TDRD3: variants seen among roughly 807,000 people sequenced by gnomAD.
The protein encoded by TDRD3 is tudor domain containing 3.
TDRD3 carries 45 observed loss-of-function variants against 86.7 expected under a neutral mutation model. That is an observed-to-expected ratio of 0.52 (90% CI 0.41 to 0.67). The LOEUF is 0.67. Among genes scored for constraint, TDRD3 ranks in the 30% least tolerant of loss-of-function variants. The pLI, the probability that TDRD3 is intolerant of heterozygous loss-of-function variation, is 0.00. For synonymous variants in TDRD3, 298 were observed against 301.7 expected (o/e 0.99, Z 0.13); for missense variants, 814 against 889.0 (o/e 0.92, Z 1.07).
intron 12 of TDRD3, among the ~76,000 whole-genome samples, chr13:60,557,637 C>G (rs1958226333): frequency 6.6e-6 from 1 of 151,848 alleles, no homozygotes; most frequent in Non-Finnish European, 1.5e-5. Context: ...TTTCTTAACT[C>G]TCATTAAGAG....
chr13:60,521,012 G>A (rs1030027175), intron 10 of TDRD3, among the ~76,000 whole-genome samples: 1 of 152,218 alleles, frequency 6.6e-6, no homozygotes, highest in Non-Finnish European at 1.5e-5. Context: ...TGTCAAAGGT[G>A]CATTACTGCA....
intron 1 of TDRD3, among the ~76,000 whole-genome samples, chr13:60,410,912 A>T (rs2137826938): frequency 6.6e-6 from 1 of 152,268 alleles, no homozygotes; most frequent in East Asian, 1.9e-4. Flanking sequence ...AAGTCTTTAT[A>T]AACATATTAA....
chr13:60,434,968 A>G (rs145050463), intron 1 of TDRD3, among the ~76,000 whole-genome samples: 187 of 152,342 alleles, frequency 1.2e-3, no homozygotes, highest in African/African-American at 4.4e-3. Context: ...TGTGTTACTG[A>G]AGTTCTTGAA....
At chr13:60,486,843 G>T (rs1287964545) in intron 7 of TDRD3, among the ~76,000 whole-genome samples, 1 of 152,158 alleles carries the variant, frequency 6.6e-6, no homozygotes, top group East Asian at 1.9e-4. Flanking sequence ...ATATGAGAGA[G>T]AATATGCAGT....
At chr13:60,524,280 G>A (rs1232952955) in intron 10 of TDRD3, among the ~76,000 whole-genome samples, 1 of 152,074 alleles carries the variant, frequency 6.6e-6, no homozygotes, top group African/African-American at 2.4e-5. Flanking sequence ...CCGAGGGCGG[G>A]TGGATCACTT....
chr13:60,562,969 C>T (rs1162389887), intron 12 of TDRD3, among the ~76,000 whole-genome samples: 1 of 152,076 alleles, frequency 6.6e-6, no homozygotes, highest in Non-Finnish European at 1.5e-5. Context: ...TGGCTCACAC[C>T]TGTAATCCCA....
intron 1 of TDRD3, among the ~76,000 whole-genome samples, chr13:60,408,081 G>T (rs186803679): frequency 6.8e-6 from 1 of 146,566 alleles, no homozygotes; most frequent in Non-Finnish European, 1.5e-5. Flanking sequence ...CTCCCCACCC[G>T]TGTGGAACTG....
At position 60,531,197 on chromosome 13, in the gene TDRD3, C is replaced by A. The variant is rs139310467; in HGVS notation, c.1992+1980C>A. 2.9e-3 allele frequency among the ~76,000 whole-genome samples: 442 copies of A among 152,296 alleles called. 2 individuals carry two copies. The highest frequency in any genetic ancestry group is 0.01 in the African/African-American group (428 of 41,566). Reference sequence around the variant, plus strand: ...CCCAGGAATACCAGCAGATTTGGAACTATTTCACATGGCCACTTCCTGGCT... The same window carrying A: ...CCCAGGAATACCAGCAGATTTGGAAATATTTCACATGGCCACTTCCTGGCT... On this transcript the variant is annotated intron_variant, in intron 11 of 13. Coordinates refer to ENST00000377881, the MANE Select transcript of TDRD3 (RefSeq NM_001146070.2).
intron 4 of TDRD3, among the ~76,000 whole-genome samples, chr13:60,464,778 G>T (rs1299309529): frequency 6.6e-6 from 1 of 152,098 alleles, no homozygotes; most frequent in Non-Finnish European, 1.5e-5. Flanking sequence ...TAGTAAAATG[G>T]CAGCCAGGAA....
At chr13:60,407,261 T>G (rs549128224) in intron 1 of TDRD3, among the ~76,000 whole-genome samples, 1 of 152,192 alleles carries the variant, frequency 6.6e-6, no homozygotes, top group African/African-American at 2.4e-5. Context: ...TTTAGCACGA[T>G]GTAAGGTGCA....
intron 2 of TDRD3, among the ~76,000 whole-genome samples, chr13:60,440,401 G>A (rs982469787): frequency 1.3e-5 from 2 of 151,834 alleles, no homozygotes; most frequent in Non-Finnish European, 2.9e-5. Context: ...TAAGTAAACA[G>A]GCTGGGCATG....
chr13:60,519,963 C>G (rs1298707834), intron 10 of TDRD3, among the ~76,000 whole-genome samples: 5 of 152,068 alleles, frequency 3.3e-5, no homozygotes, highest in African/African-American at 1.2e-4. Flanking sequence ...GTGTGTGGCA[C>G]TTTTTCTTAG....
intron 12 of TDRD3, among the ~76,000 whole-genome samples, chr13:60,538,990 G>A (rs764434473): frequency 3.9e-5 from 6 of 152,048 alleles, no homozygotes; most frequent in Non-Finnish European, 5.9e-5. Flanking sequence ...CTGCTTCTTG[G>A]TATCAGGAAA....
chr13:60,448,078 C>A (rs531496664), intron 3 of TDRD3, among the ~76,000 whole-genome samples: 2 of 152,030 alleles, frequency 1.3e-5, no homozygotes, highest in East Asian at 3.9e-4. Flanking sequence ...TCCTGAAAGC[C>A]CAAAGTAAAT....
intron 10 of TDRD3, among the ~76,000 whole-genome samples, chr13:60,523,880 A>G (rs1957345961): frequency 1.3e-5 from 2 of 152,060 alleles, no homozygotes. Context: ...CTGGTCCTGT[A>G]GTACATTTTT....
At chr13:60,504,761 T>G (rs1461970093) in intron 8 of TDRD3, among the ~76,000 whole-genome samples, 1 of 152,136 alleles carries the variant, frequency 6.6e-6, no homozygotes, top group Non-Finnish European at 1.5e-5. Flanking sequence ...TTGGAACTGG[T>G]TAGACAGTGT....
Position 60,494,555 on chromosome 13 carries a change from G to T in TDRD3, c.838G>T (p.Glu280Ter), listed in dbSNP as rs1566241835. ...EKSTKSEGKH[E>*]GVYRELVDEK... The stretch of plus-strand genomic sequence containing the variant: ...GTCAACCAAATCAGAGGGAAAACAT[G>T]AAGGTGTCTATAGAGAACTGGTAAG... The change falls in exon 8 of 14, where the codon GAA (glutamate) becomes TAA (stop). Residue 280 changes from glutamate (E) to a stop codon, truncating the protein, a stop_gained. Coordinates refer to ENST00000377881, the MANE Select transcript of TDRD3 (RefSeq NM_001146070.2). LOFTEE classifies it high-confidence loss of function. 1 of 1,613,680 alleles carries T rather than the reference G, an allele frequency of 6.2e-7. No homozygotes were observed.
chr13:60,397,867 A>G (rs898058287), intron 1 of TDRD3, among the ~76,000 whole-genome samples: 2 of 151,988 alleles, frequency 1.3e-5, no homozygotes, highest in African/African-American at 4.8e-5. Flanking sequence ...GCCCATAGGA[A>G]GTTGAGGGCA....
In TDRD3 at chr13:60,528,773, A is replaced by G; in HGVS notation, c.1548A>G (p.Ala516=). The G allele has an allele frequency of 6.2e-7, 1 of 1,613,704 alleles. No individual in the cohort carries two copies. Among genetic ancestry groups the G allele is most frequent in the Non-Finnish European group, 8.5e-7 (1 of 1,179,884 alleles). ...RSGKGPSFAE[A]KENPLPQGSV... Reference sequence around the variant, plus strand: ...GAAAAGGTCCCTCCTTTGCAGAGGCAAAAGAAAATCCACTTCCTCAAGGAT... The same window carrying G: ...GAAAAGGTCCCTCCTTTGCAGAGGCGAAAGAAAATCCACTTCCTCAAGGAT... The change falls in exon 11 of 14, where the codon GCA becomes GCG. Residue 516 remains alanine, a synonymous_variant. Coordinates refer to ENST00000377881, the MANE Select transcript of TDRD3 (RefSeq NM_001146070.2).
Sources: allele counts gnomAD v4.1 joint callset (sites outside exome capture counted in the v4.1 genomes callset), GRCh38; gene constraint gnomAD v4.1.1; transcripts MANE v1.5; gene names NCBI Gene and HGNC (gene_info 2026-07-23, HGNC 2026-07-21).